The following STK32B variants were observed in gnomAD, a reference collection of about 807,000 sequenced individuals.
STK32B encodes serine/threonine kinase 32B.
A neutral mutation model predicts 52.6 loss-of-function variants in STK32B; 43 were observed. The observed-to-expected ratio is 0.82, with a 90% confidence interval of 0.64 to 1.05. The LOEUF is 1.05. Among genes scored for constraint, STK32B ranks in the 50% least tolerant of loss-of-function variants. The pLI, the probability that STK32B is intolerant of heterozygous loss-of-function variation, is 0.00. For missense variants in STK32B, 621 were observed against 534.6 expected (o/e 1.16, Z -1.59); for synonymous variants, 238 against 204.3 (o/e 1.17, Z -1.41).
intron 11 of STK32B, among the ~76,000 whole-genome samples, chr4:5,498,641 A>T (rs1004718688): frequency 6.6e-6 from 1 of 152,252 alleles, no homozygotes; most frequent in African/African-American, 2.4e-5. Context: ...ACAAAAATAT[A>T]AATATGTGAT....
the STK32B span, among the ~76,000 whole-genome samples, chr4:5,028,140 A>G: frequency 1.3e-5 from 2 of 152,130 alleles, no homozygotes; most frequent in East Asian, 1.9e-4. Context: ...TACAGCAGTT[A>G]CTTTGTTTTT....
chr4:5,385,724 T>C (rs1736204130), intron 4 of STK32B, among the ~76,000 whole-genome samples: 1 of 151,960 alleles, frequency 6.6e-6, no homozygotes, highest in African/African-American at 2.4e-5. Context: ...ACTCAGTCCA[T>C]CCTCATGGAA....
intron 6 of STK32B, among the ~76,000 whole-genome samples, chr4:5,439,898 A>G (rs1309407808): frequency 6.6e-6 from 1 of 152,126 alleles, no homozygotes; most frequent in Non-Finnish European, 1.5e-5. Context: ...AGGTTTGTCA[A>G]AGATCAGATA....
In STK32B at chr4:5,322,057, AACACAGTG is replaced by A. The variant is rs557513794; in HGVS notation, c.261-9162_261-9155del. ...TGGGGGTGGGGGGTTGGGCTGGCTG[AACACAGTG>A]GCTCACACCTGTAATCCCAGCACTT... On this transcript the variant is annotated intron_variant, in intron 3 of 11. Coordinates refer to ENST00000282908, the MANE Select transcript of STK32B (RefSeq NM_018401.3). Among the ~76,000 whole-genome samples the A allele has an allele frequency of 5.6e-3, 838 of 150,850 alleles. 16 individuals carry two copies. The highest frequency in any genetic ancestry group is 0.017 in the Middle Eastern group (5 of 288).
At chr4:5,357,954 A>G (rs1286896988) in intron 4 of STK32B, among the ~76,000 whole-genome samples, 1 of 152,210 alleles carries the variant, frequency 6.6e-6, no homozygotes, top group Non-Finnish European at 1.5e-5. Flanking sequence ...AGAAGTATTC[A>G]GACGAAAAAA....
At chr4:5,328,065 T>C (rs770995365) in intron 3 of STK32B, among the ~76,000 whole-genome samples, 6 of 152,322 alleles carry the variant, frequency 3.9e-5, no homozygotes, top group Non-Finnish European at 5.9e-5. Flanking sequence ...AGCTTCCAGC[T>C]CTTTTTCTGC....
intron 3 of STK32B, among the ~76,000 whole-genome samples, chr4:5,300,205 G>T (rs1011701436): frequency 3.3e-5 from 5 of 152,114 alleles, no homozygotes; most frequent in Non-Finnish European, 2.9e-5. Flanking sequence ...AATAGATGCA[G>T]AAAAAGCATC....
intron 6 of STK32B, among the ~76,000 whole-genome samples, chr4:5,431,818 G>C (rs10937643): frequency 6.6e-6 from 1 of 152,072 alleles, no homozygotes; most frequent in African/African-American, 2.4e-5. Context: ...ATATGTAAGC[G>C]TGTGACACCT....
intron 3 of STK32B, among the ~76,000 whole-genome samples, chr4:5,240,371 A>T (rs942536108): frequency 2.6e-5 from 4 of 152,052 alleles, no homozygotes; most frequent in African/African-American, 9.7e-5. Context: ...AGTTAGATAC[A>T]TTGCAAATAT....
At chr4:5,264,832 C>G (rs930194510) in intron 3 of STK32B, among the ~76,000 whole-genome samples, 1 of 152,066 alleles carries the variant, frequency 6.6e-6, no homozygotes, top group Non-Finnish European at 1.5e-5. Flanking sequence ...TTTATATATT[C>G]CTGATGAAAG....
At chr4:5,336,184 A>C (rs1732681258) in intron 4 of STK32B, among the ~76,000 whole-genome samples, 1 of 149,400 alleles carries the variant, frequency 6.7e-6, no homozygotes, top group East Asian at 2.0e-4. Context: ...ACACACACAC[A>C]ACTGAGATCA....
At position 5,144,906 on chromosome 4, in the gene STK32B, G is replaced by A. The variant is rs189875975; in HGVS notation, c.108+4946G>A. Among the ~76,000 whole-genome samples, 5 of 152,268 alleles carry A rather than the reference G, an allele frequency of 3.3e-5. No homozygotes were observed. The East Asian group carries it at 9.7e-4, about 29-fold the overall frequency. ...GTTACAAAAGTAAACCAGATATGGT[G>A]CCTGCCTTTGAGGATCTCTCAGATA... On this transcript the variant is annotated intron_variant, in intron 2 of 11. Transcript: ENST00000282908.
intron 3 of STK32B, among the ~76,000 whole-genome samples, chr4:5,250,847 G>C (rs1313432002): frequency 2.0e-5 from 3 of 152,120 alleles, no homozygotes; most frequent in African/African-American, 7.2e-5. Context: ...ATGCTTGTTG[G>C]TCGTGTGTAT....
At chr4:5,021,156 C>G in the STK32B span, among the ~76,000 whole-genome samples, 4 of 152,210 alleles carry the variant, frequency 2.6e-5, no homozygotes, top group African/African-American at 9.6e-5. Flanking sequence ...AATCCCTTCT[C>G]GACCTGGCCT....
At chr4:5,356,149 A>G (rs1734158195) in intron 4 of STK32B, among the ~76,000 whole-genome samples, 1 of 152,136 alleles carries the variant, frequency 6.6e-6, no homozygotes, top group East Asian at 1.9e-4. Flanking sequence ...ATCTGACTGC[A>G]TGGAAGGGAG....
chr4:5,331,165 G>A, intron 3 of STK32B, 55 bp from the exon 4 acceptor site: 1 of 1,522,746 alleles, frequency 6.6e-7, no homozygotes, highest in Non-Finnish European at 8.9e-7. Context: ...CATTGGTCTT[G>A]AGGGTGCTGA....
At chr4:5,028,030 C>A in the STK32B span, among the ~76,000 whole-genome samples, 1 of 152,216 alleles carries the variant, frequency 6.6e-6, no homozygotes, top group Admixed American at 6.5e-5. Flanking sequence ...GTTCCTTCAG[C>A]TTGAGCTGAT....
chr4:5,440,211 C>T (rs1173802673), intron 6 of STK32B, among the ~76,000 whole-genome samples: 18 of 152,266 alleles, frequency 1.2e-4, no homozygotes, highest in South Asian at 8.3e-4. Context: ...GCCATTTTCA[C>T]GATATTGATT....
chr4:5,476,869 G>T (rs1234462194), intron 11 of STK32B, among the ~76,000 whole-genome samples: 4 of 151,478 alleles, frequency 2.6e-5, no homozygotes, highest in African/African-American at 9.7e-5. Flanking sequence ...TGCAGGGAGA[G>T]ACAGAAGAGA....
Sources: gnomAD v4.1 joint callset for allele counts (sites outside exome capture counted in the v4.1 genomes callset) on GRCh38, gnomAD v4.1.1 for gene constraint, MANE v1.5 for transcripts, NCBI Gene and HGNC (gene_info 2026-07-23, HGNC 2026-07-21) for gene names.